Variants in ENSA observed in about 807,000 individuals in gnomAD.
The protein encoded by ENSA is endosulfine alpha, also known as alpha-endosulfine.
ENSA carries 7 observed loss-of-function variants against 16.8 expected under a neutral mutation model. That is an observed-to-expected ratio of 0.42 (90% CI 0.24 to 0.78). ENSA has a LOEUF of 0.78. Among genes scored for constraint, ENSA ranks in the 30% least tolerant of loss-of-function variants. The pLI is 0.29. For missense variants in ENSA, 87 were observed against 142.3 expected, an observed-to-expected ratio of 0.61 and a Z score of 1.98; for synonymous variants, 58 against 53.4, an observed-to-expected ratio of 1.09 and a Z score of -0.37.
At chr1:150,629,216 T>A (rs1042897904) in intron 1 of ENSA, 198 bp downstream of exon 1, 2 of 1,576,976 alleles carry the variant, frequency 1.3e-6, no homozygotes, top group Non-Finnish European at 1.7e-6. Flanking sequence ...TCAGGAAGAG[T>A]ACAGTACTGA....
intron 2 of ENSA, chr1:150,626,530 C>T (rs766248651): frequency 1.9e-6 from 3 of 1,612,926 alleles, no homozygotes; most frequent in Non-Finnish European, 2.5e-6. Flanking sequence ...TATAATCCTA[C>T]AGTCATTGCA....
chr1:150,627,649 C>T, intron 1 of ENSA, 57 bp from the exon 2 acceptor site: 2 of 1,529,436 alleles, frequency 1.3e-6, no homozygotes, highest in Non-Finnish European at 1.8e-6. Flanking sequence ...CAGCTTCTCA[C>T]ATCTGATAAC....
Position 150,627,447 on chromosome 1 carries a change from TA to T in ENSA, c.183+19del, listed in dbSNP as rs771699112. Reference sequence around the variant, plus strand: ...CTCCTTTAGCTCCAAAGAAAGAGGGTAAGAGACTATGCCCCATACCCCTTTC... The same window carrying T: ...CTCCTTTAGCTCCAAAGAAAGAGGGTAGAGACTATGCCCCATACCCCTTTC... On this transcript the variant is annotated intron_variant, in intron 2 of 3. Transcript: ENST00000369014. 1 of 1,614,150 alleles carries T rather than the reference TA, an allele frequency of 6.2e-7. No individual in the cohort carries two copies.
Position 150,624,247 on chromosome 1 carries a change from G to A in ENSA, c.351-1388C>T, listed in dbSNP as rs1428180805. 6 of 975,476 alleles carry A rather than the reference G, an allele frequency of 6.2e-6. No individual in the cohort carries two copies. The African/African-American group carries it at 1.0e-4, about 17-fold the overall frequency. 60.4% of individuals were successfully genotyped at this position (975,476 alleles called of 1,614,324 possible). Reference sequence around the variant, plus strand: ...GGTTGCTGAGTTCTGGGGATGCAGAGATTTCTCAGTCTTCCTCCTCTCCCT... The same window carrying A: ...GGTTGCTGAGTTCTGGGGATGCAGAAATTTCTCAGTCTTCCTCCTCTCCCT... On this transcript the variant is annotated intron_variant, in intron 3 of 3. Transcript: ENST00000369014.
intron 3 of ENSA, chr1:150,623,534 G>C (rs1160757897): frequency 2.0e-6 from 2 of 985,392 alleles, no homozygotes; most frequent in Non-Finnish European, 2.4e-6. Flanking sequence ...GTAGTCTTGA[G>C]GACTCAAGCT....
intron 1 of ENSA, 64 bp from the exon 2 acceptor site, chr1:150,627,656 T>C: frequency 1.3e-6 from 2 of 1,524,088 alleles, no homozygotes; most frequent in Non-Finnish European, 1.8e-6. Flanking sequence ...TCACATCTGA[T>C]AACAACTATA....
At chr1:150,628,424 T>A (rs1441572101) in intron 1 of ENSA, among the ~76,000 whole-genome samples, 2 of 151,314 alleles carry the variant, frequency 1.3e-5, no homozygotes, top group African/African-American at 4.9e-5. Flanking sequence ...CACTAGTATT[T>A]ACCCACCAGT....
At chr1:150,622,932 C>T (rs1649062028) in intron 3 of ENSA, 73 bp from the exon 4 acceptor site, 1 of 1,506,974 alleles carries the variant, frequency 6.6e-7, no homozygotes, top group African/African-American at 1.4e-5. Context: ...CCCTGAACTC[C>T]AACCCAGTCT....
At chr1:150,629,195 C>T in intron 1 of ENSA, 1 of 1,604,734 alleles carries the variant, frequency 6.2e-7, no homozygotes. Context: ...AGCGGTAGGC[C>T]TATTGGCCAA....
rs141017549 is a variant in ENSA at position 150,625,698 on chromosome 1, G to A, written c.294C>T (p.Pro98=). The A allele has an allele frequency of 1.3e-4, 205 of 1,613,150 alleles. No individual in the cohort carries two copies. The African/African-American group carries it at 2.5e-3, about 20-fold the overall frequency. The change falls in exon 3 of 4, where the codon CCC becomes CCT. Residue 98 remains proline, a synonymous_variant. Coordinates refer to ENST00000369014, the MANE Select transcript of ENSA (RefSeq NM_004436.4). ...DKNLVTGDHI[P]TPQDLPQRKS... The stretch of plus-strand genomic sequence containing the variant: ...TTCTCTGGGGCAGATCCTGTGGGGT[G>A]GGGATGTGATCACCAGTCACCAGGT...
At chr1:150,626,914 T>C (rs1367105921) in intron 2 of ENSA, 4 of 435,482 alleles carry the variant, frequency 9.2e-6, no homozygotes, top group Non-Finnish European at 1.3e-5. Flanking sequence ...ACTAAAAATC[T>C]GATCAGGAGC....
intron 1 of ENSA, among the ~76,000 whole-genome samples, 163 bp from the exon 2 acceptor site, chr1:150,627,755 G>T (rs1043847403): frequency 2.0e-5 from 3 of 152,260 alleles, no homozygotes; most frequent in Middle Eastern, 3.4e-3. Context: ...AATCCCTAAA[G>T]CTCAAGATGA....
At chr1:150,628,612 T>A (rs905757089) in intron 1 of ENSA, among the ~76,000 whole-genome samples, 1 of 152,042 alleles carries the variant, frequency 6.6e-6, no homozygotes, top group Admixed American at 6.6e-5. Context: ...AAATTACGCA[T>A]AGATATAACA....
At chr1:150,626,382 G>T in intron 2 of ENSA, 2 of 1,204,492 alleles carry the variant, frequency 1.7e-6, no homozygotes, top group Non-Finnish European at 2.4e-6. Context: ...GCCCACGCCT[G>T]CCTTGCCTCC....
chr1:150,628,291 C>A (rs1177012667), intron 1 of ENSA, among the ~76,000 whole-genome samples: 1 of 152,188 alleles, frequency 6.6e-6, no homozygotes, highest in Non-Finnish European at 1.5e-5. Flanking sequence ...CTCCAAAGAT[C>A]TCCACCTGAG....
chr1:150,627,433 C>T (rs1649418141), intron 2 of ENSA, 34 bp downstream of exon 2: 1 of 1,614,090 alleles, frequency 6.2e-7, no homozygotes, highest in Non-Finnish European at 8.5e-7. Flanking sequence ...TCCTTTAGCT[C>T]CAAAGAAAGA....
intron 1 of ENSA, among the ~76,000 whole-genome samples, 178 bp from the exon 2 acceptor site, chr1:150,627,770 T>C (rs2101748266): frequency 6.6e-6 from 1 of 152,314 alleles, no homozygotes; most frequent in South Asian, 2.1e-4. Flanking sequence ...AGATGACTAT[T>C]GTGAGAGAAA....
rs115879718 is a variant in ENSA at position 150,625,250 on chromosome 1, T to C, written c.350+392A>G. 1,096 of 993,780 alleles carry C rather than the reference T, an allele frequency of 1.1e-3. 7 individuals are homozygous for C. In the African/African-American group the frequency reaches 0.017, roughly 15 times the overall value. The allele number at this position is 993,780 out of a possible 1,614,324, so 61.6% of individuals were successfully genotyped here. A position where few individuals can be genotyped will look rare whatever the true frequency, so the allele number is the denominator to read the frequency against. On this transcript the variant is annotated intron_variant, in intron 3 of 3. Coordinates refer to ENST00000369014, the MANE Select transcript of ENSA (RefSeq NM_004436.4). ...TCTCATTCAATCTACCTTTCCCAACTACGTTAGGTTAGCCTTGGGATGTTA... is the reference window on the plus strand; with the variant it reads ...TCTCATTCAATCTACCTTTCCCAACCACGTTAGGTTAGCCTTGGGATGTTA...
chr1:150,626,093 A>C (rs1649286645), intron 2 of ENSA, among the ~76,000 whole-genome samples: 1 of 152,228 alleles, frequency 6.6e-6, no homozygotes, highest in African/African-American at 2.4e-5. Flanking sequence ...TCCACTCAGT[A>C]GAGGATCGTT....
Sources: gnomAD v4.1 joint callset for allele counts (sites outside exome capture counted in the v4.1 genomes callset) on GRCh38, gnomAD v4.1.1 for gene constraint, MANE v1.5 for transcripts, NCBI Gene and HGNC (gene_info 2026-07-23, HGNC 2026-07-21) for gene names.